The following RALGAPB variants were observed in gnomAD, a reference collection of about 807,000 sequenced individuals.
RALGAPB encodes ral GTPase-activating protein subunit beta.
In RALGAPB, 25 loss-of-function variants were observed where a neutral mutation model predicts 161.1. That is an observed-to-expected ratio of 0.16 (90% CI 0.11 to 0.22). RALGAPB has a LOEUF of 0.22. Ranked by LOEUF, RALGAPB falls within the 10% of genes least tolerant of loss-of-function variation. RALGAPB has a pLI of 1.00. For synonymous variants in RALGAPB, 629 were observed against 626.1 expected, an observed-to-expected ratio of 1.00 and a Z score of -0.07; for missense variants, 1,391 against 1,815.2, an observed-to-expected ratio of 0.77 and a Z score of 4.25.
chr20:38,564,983 C>T (rs1436712513), intron 24 of RALGAPB, among the ~76,000 whole-genome samples: 1 of 149,956 alleles, frequency 6.7e-6, no homozygotes, highest in Non-Finnish European at 1.5e-5. Flanking sequence ...CTCTCTCTGC[C>T]TGCCTGCCTG....
rs1453253322 is a variant in RALGAPB at position 38,499,622 on chromosome 20, A to G, written c.729A>G (p.Ala243=). The G allele has an allele frequency of 1.9e-6, 3 of 1,610,618 alleles. No homozygotes were observed. The Admixed American group carries it at 5.0e-5, about 27-fold the overall frequency. The change falls in exon 5 of 30, where the codon GCA becomes GCG. Residue 243 remains alanine (A), a synonymous_variant. Transcript: ENST00000262879. ...AGCAGTGGAGCAAGGTCATTTGTGC[A>G]CTCACTTCCAGGTAGGTTATTGTCA... is the stretch of plus-strand genomic sequence containing the variant. ...VVEQWSKVIC[A]LTSRLLRFTY...
At chr20:38,516,456 C>T (rs1390283001) in intron 7 of RALGAPB, 86 bp downstream of exon 7, 1 of 1,240,594 alleles carries the variant, frequency 8.1e-7, no homozygotes, top group Non-Finnish European at 1.1e-6. Flanking sequence ...TAGAAAACAT[C>T]CGAAGGAAAA....
chr20:38,529,133 T>C (rs1300910292), intron 13 of RALGAPB, among the ~76,000 whole-genome samples: 1 of 152,234 alleles, frequency 6.6e-6, no homozygotes, highest in African/African-American at 2.4e-5. Context: ...ACTTAACTAC[T>C]GATAGCCTAC....
intron 5 of RALGAPB, among the ~76,000 whole-genome samples, chr20:38,502,261 T>C (rs1484213255): frequency 2.6e-5 from 4 of 152,162 alleles, no homozygotes; most frequent in Non-Finnish European, 4.4e-5. Context: ...CTTCAGTAAA[T>C]AGTGTATCTC....
At chr20:38,505,847 A>G (rs907875261) in intron 5 of RALGAPB, among the ~76,000 whole-genome samples, 1 of 152,178 alleles carries the variant, frequency 6.6e-6, no homozygotes, top group African/African-American at 2.4e-5. Flanking sequence ...CTAGATATAG[A>G]TAAGGGTTCT....
At position 38,504,381 on chromosome 20, in the gene RALGAPB, T is replaced by C. The variant is rs182101298; in HGVS notation, c.741-4696T>C. Among the ~76,000 whole-genome samples, 6 of 152,316 alleles carry C rather than the reference T, an allele frequency of 3.9e-5. No homozygotes were observed. In the East Asian group the frequency reaches 1.2e-3, roughly 29 times the overall value. Reference sequence around the variant, plus strand: ...GTGCAGGGATAACTGGCTAACCATATGCAGAAGAATGAAACTAGACTCCTA... The same window carrying C: ...GTGCAGGGATAACTGGCTAACCATACGCAGAAGAATGAAACTAGACTCCTA... On this transcript the variant is annotated intron_variant, in intron 5 of 29. Coordinates refer to ENST00000262879, the MANE Select transcript of RALGAPB (RefSeq NM_020336.4).
intron 22 of RALGAPB, among the ~76,000 whole-genome samples, chr20:38,556,348 G>A (rs1053082138): frequency 1.3e-5 from 2 of 151,946 alleles, no homozygotes; most frequent in Non-Finnish European, 2.9e-5. Context: ...TATAACTACA[G>A]TACAGTATAA....
At chr20:38,509,300 GT>G in intron 6 of RALGAPB, 92 bp downstream of exon 6, 1 of 1,368,040 alleles carries the variant, frequency 7.3e-7, no homozygotes, top group Non-Finnish European at 1.0e-6. Context: ...AATTCAGAAG[GT>G]GGACACTAAG....
intron 10 of RALGAPB, among the ~76,000 whole-genome samples, chr20:38,524,246 GTTTC>G (rs1357010174): frequency 2.6e-5 from 4 of 152,198 alleles, no homozygotes; most frequent in African/African-American, 7.2e-5. Context: ...TCGAATGCAG[GTTTC>G]TTTCTTTCAT....
Position 38,517,527 on chromosome 20 carries a change from A to G in RALGAPB, c.1073A>G (p.Asp358Gly), listed in dbSNP as rs1283486264. Residue 358 changes from aspartate (D) to glycine (G), a missense_variant, in exon 8 of 30, where the codon GAC becomes GGC. Asp to Gly is a moderately conservative substitution (Grantham distance 94). This residue lies in a region of RALGAPB where 946 missense variants were observed against 1,257.2 expected (regional missense o/e 0.75). Transcript: ENST00000262879. ...AFLGISRPRS[D>G]SAPPTPVNRL... ...TAAGGTATTTCTAGACCCCGATCAG[A>G]CAGTGCTCCCCCAACACCCGTGAAT... The G allele has an allele frequency of 3.8e-6, 6 of 1,590,964 alleles. No homozygotes were observed. The highest frequency in any genetic ancestry group is 4.3e-6 in the Non-Finnish European group (5 of 1,172,434).
intron 24 of RALGAPB, among the ~76,000 whole-genome samples, chr20:38,564,942 C>T (rs553690688): frequency 8.4e-4 from 127 of 150,498 alleles, no homozygotes; most frequent in African/African-American, 2.9e-3. Flanking sequence ...TTCCTCTTCC[C>T]CCCTCTCTCT....
At chr20:38,527,010 C>T (rs1156828146) in intron 13 of RALGAPB, among the ~76,000 whole-genome samples, 1 of 152,156 alleles carries the variant, frequency 6.6e-6, no homozygotes, top group Non-Finnish European at 1.5e-5. Flanking sequence ...TCCTCAGCCA[C>T]CTAACAGGAG....
intron 27 of RALGAPB, 92 bp from the exon 28 acceptor site, chr20:38,570,676 CA>C: frequency 1.3e-6 from 1 of 752,352 alleles, no homozygotes; most frequent in South Asian, 1.7e-5. Context: ...ATTTGCCACT[CA>C]CTTATGTAAA....
intron 23 of RALGAPB, among the ~76,000 whole-genome samples, chr20:38,560,923 C>G (rs778116502): frequency 6.6e-6 from 1 of 152,186 alleles, no homozygotes; most frequent in Admixed American, 6.5e-5. Flanking sequence ...AGTTTTACTT[C>G]TAGATAAAAA....
intron 15 of RALGAPB, among the ~76,000 whole-genome samples, chr20:38,533,837 T>A (rs1239961374): frequency 6.6e-6 from 1 of 152,160 alleles, no homozygotes; most frequent in Non-Finnish European, 1.5e-5. Flanking sequence ...ACATTTAAGC[T>A]AAATAAATTT....
intron 28 of RALGAPB, among the ~76,000 whole-genome samples, chr20:38,571,514 C>T (rs1601093001): frequency 6.6e-6 from 1 of 152,120 alleles, no homozygotes; most frequent in East Asian, 1.9e-4. Flanking sequence ...TCTAGATTCA[C>T]CCATGTTGTT....
chr20:38,546,653 C>G (rs897114426), intron 19 of RALGAPB: 1 of 530,310 alleles, frequency 1.9e-6, no homozygotes, highest in Non-Finnish European at 3.3e-6. Context: ...TGAACTAGCT[C>G]TGTAGTTTTA....
Position 38,575,526 on chromosome 20 carries a change from A to T in RALGAPB, c.*559A>T, listed in dbSNP as rs2088405404. On this transcript the variant is annotated 3_prime_UTR_variant, in exon 30 of 30. Coordinates refer to ENST00000262879, the MANE Select transcript of RALGAPB (RefSeq NM_020336.4). ...AAGATGATACATGTTTTTTGCTCAG[A>T]TAAGAAGCCTGACATTAAAAGATGT... is the stretch of plus-strand genomic sequence containing the variant. 1 of 153,432 alleles carries T rather than the reference A, an allele frequency of 6.5e-6. No individual in the cohort carries two copies. The highest frequency in any genetic ancestry group is 1.4e-5 in the Non-Finnish European group (1 of 69,220). The allele number at this position is 153,432 out of a possible 1,614,324, so 9.5% of individuals were successfully genotyped here. A position where few individuals can be genotyped will look rare whatever the true frequency, so the allele number is the denominator to read the frequency against.
chr20:38,553,300 G>A (rs2087440597), intron 21 of RALGAPB, among the ~76,000 whole-genome samples: 1 of 152,174 alleles, frequency 6.6e-6, no homozygotes. Context: ...AGAAGGAAAG[G>A]TGGGAGAAGT....
Sources: allele counts gnomAD v4.1 joint callset (sites outside exome capture counted in the v4.1 genomes callset), GRCh38; gene constraint gnomAD v4.1.1; regional missense constraint gnomAD v4.1.1; transcripts MANE v1.5; gene names NCBI Gene and HGNC (gene_info 2026-07-23, HGNC 2026-07-21).